Variants in RBM33 observed in about 807,000 individuals in gnomAD.
RBM33 encodes RNA binding motif protein 33, also known as RNA-binding protein 33.
A neutral mutation model predicts 132.6 loss-of-function variants in RBM33; 28 were observed. The ratio of observed to expected loss-of-function variants is 0.21; its 90% CI spans 0.16 to 0.29. The LOEUF (loss-of-function observed/expected upper bound fraction) is 0.29. RBM33 is among the 10% of genes least tolerant of loss of function. The pLI is 1.00. For missense variants in RBM33, 1,291 were observed against 1,518.5 expected (o/e 0.85, Z 2.49); for synonymous variants, 634 against 593.0 (o/e 1.07, Z -1.01).
chr7:155,647,489 C>T (rs750725207), intron 1 of RBM33, among the ~76,000 whole-genome samples: 1 of 151,840 alleles, frequency 6.6e-6, no homozygotes, highest in Non-Finnish European at 1.5e-5. Context: ...GGAGTGCAGT[C>T]GTATAATCAT....
chr7:155,721,357 A>C (rs1014816801), intron 9 of RBM33, among the ~76,000 whole-genome samples: 12 of 152,092 alleles, frequency 7.9e-5, no homozygotes, highest in African/African-American at 2.9e-4. Flanking sequence ...GAGTGACCTT[A>C]CTGCTTATTA....
At chr7:155,663,318 A>G (rs1798707652) in intron 1 of RBM33, among the ~76,000 whole-genome samples, 1 of 151,982 alleles carries the variant, frequency 6.6e-6, no homozygotes, top group Non-Finnish European at 1.5e-5. Flanking sequence ...GAGAGGCTTA[A>G]TTGGCTCATG....
rs1172816533 is a variant in RBM33, at chr7:155,711,407, A to G, written c.1153A>G (p.Ile385Val). 1 of 1,545,538 alleles carries G rather than the reference A, an allele frequency of 6.5e-7. No homozygotes were observed. The highest frequency in any genetic ancestry group is 8.7e-7 in the Non-Finnish European group (1 of 1,145,956). Residue 385 changes from isoleucine to valine, a missense_variant, in exon 8 of 18, where the codon ATA becomes GTA. Around this residue, in one of 7 missense-constraint regions of RBM33, gnomAD observed 10 missense variants for 32.3 expected, o/e 0.31. Transcript: ENST00000401878. ...CGTGACTCCACAGCAGCCCAAGAACATACACATCAACCCGCACTTCAAAGG... is the reference window on the plus strand; with the variant it reads ...CGTGACTCCACAGCAGCCCAAGAACGTACACATCAACCCGCACTTCAAAGG... ...PPVTPQQPKN[I>V]HINPHFKGTV...
At chr7:155,721,331 C>T in intron 9 of RBM33, among the ~76,000 whole-genome samples, 1 of 152,034 alleles carries the variant, frequency 6.6e-6, no homozygotes, top group East Asian at 1.9e-4. Flanking sequence ...ATAGACATAC[C>T]CAGAAACTTA....
intron 5 of RBM33, among the ~76,000 whole-genome samples, chr7:155,693,592 A>G (rs1296502687): frequency 6.6e-6 from 1 of 151,390 alleles, no homozygotes; most frequent in Non-Finnish European, 1.5e-5. Context: ...TGATGGTTTT[A>G]GTTTACTTTG....
intron 16 of RBM33, among the ~76,000 whole-genome samples, chr7:155,768,360 G>A (rs1017177140): frequency 2.0e-5 from 3 of 152,110 alleles, no homozygotes; most frequent in Non-Finnish European, 4.4e-5. Flanking sequence ...TTGTACCGTG[G>A]GTTTGTATAG....
chr7:155,698,353 C>CA (rs1362964819), intron 5 of RBM33, among the ~76,000 whole-genome samples: 5 of 133,578 alleles, frequency 3.7e-5, no homozygotes, highest in Non-Finnish European at 6.3e-5. Flanking sequence ...GGCAACAGAG[C>CA]AAGACTCCAT....
At chr7:155,766,832 T>C in intron 16 of RBM33, 177 bp downstream of exon 16, 2 of 643,586 alleles carry the variant, frequency 3.1e-6, no homozygotes, top group Non-Finnish European at 5.3e-6. Context: ...CCTCAAACGT[T>C]TATTTTGAAA....
intron 5 of RBM33, among the ~76,000 whole-genome samples, chr7:155,687,737 CT>C (rs1799520963): frequency 6.6e-6 from 1 of 152,266 alleles, no homozygotes; most frequent in African/African-American, 2.4e-5. Context: ...ATAGGGGATC[CT>C]TTCCCCATTT....
intron 3 of RBM33, among the ~76,000 whole-genome samples, chr7:155,677,074 G>A (rs944453491): frequency 7.9e-5 from 12 of 152,088 alleles, no homozygotes; most frequent in African/African-American, 2.9e-4. Context: ...TATTTACTGA[G>A]TTGGACAGCC....
chr7:155,760,646 A>G (rs1024339321), intron 14 of RBM33, among the ~76,000 whole-genome samples: 1 of 152,270 alleles, frequency 6.6e-6, no homozygotes, highest in Admixed American at 6.5e-5. Context: ...ACTGGTTCTC[A>G]TGAAAGATGA....
At chr7:155,672,976 G>A in intron 3 of RBM33, 61 bp downstream of exon 3, 1 of 1,169,048 alleles carries the variant, frequency 8.6e-7, no homozygotes, top group Non-Finnish European at 1.2e-6. Flanking sequence ...TTAACATACA[G>A]CAGTAATCAC....
At chr7:155,718,569 ATC>A (rs1800533762) in intron 9 of RBM33, 126 bp downstream of exon 9, 1 of 742,338 alleles carries the variant, frequency 1.3e-6, no homozygotes, top group Admixed American at 2.5e-5. Flanking sequence ...ATTGACAATA[ATC>A]TCTGCAATAG....
intron 9 of RBM33, among the ~76,000 whole-genome samples, chr7:155,736,009 T>C (rs1386549083): frequency 2.0e-5 from 3 of 152,232 alleles, no homozygotes; most frequent in Non-Finnish European, 4.4e-5. Flanking sequence ...CTTTCTGTTG[T>C]ACATGTTTCA....
At chr7:155,737,442 A>T in intron 9 of RBM33, 88 bp from the exon 10 acceptor site, 1 of 1,393,378 alleles carries the variant, frequency 7.2e-7, no homozygotes, top group Non-Finnish European at 9.5e-7. Flanking sequence ...TTTTGAGGAA[A>T]ACTTGGAACC....
In RBM33 at chr7:155,774,678, A is replaced by G. The variant is rs1182042945; in HGVS notation, c.3464+31A>G. The G allele has an allele frequency of 6.3e-6, 10 of 1,575,278 alleles. No individual in the cohort carries two copies. The Admixed American group carries it at 1.0e-4, about 16-fold the overall frequency. Reference sequence around the variant, plus strand: ...CAGTGTGTTCTGTGCTTGTGGTGATAAGGGGGCGGGAGCAAGGCCCTCCTT... The same window carrying G: ...CAGTGTGTTCTGTGCTTGTGGTGATGAGGGGGCGGGAGCAAGGCCCTCCTT... On this transcript the variant is annotated intron_variant, in intron 17 of 17. Coordinates refer to ENST00000401878, the MANE Select transcript of RBM33 (RefSeq NM_053043.3). The surrounding 1 kb of genome is among the most constrained non-coding windows in gnomAD (Gnocchi z 4.2).
chr7:155,673,940 G>GTTTTTTTTTTTTTTTTTTTTTTTTTTTT (rs71186053), intron 3 of RBM33, among the ~76,000 whole-genome samples: 4 of 54,212 alleles, frequency 7.4e-5, no homozygotes, highest in East Asian at 6.7e-4. Context: ...TTTAGGCTTA[G>GTTTTTTTTTTTTTTTTTTTTTTTTTTTT]TTTTTTTTTT....
At chr7:155,663,205 CTTTCT>C (rs1798702616) in intron 1 of RBM33, among the ~76,000 whole-genome samples, 1 of 101,726 alleles carries the variant, frequency 9.8e-6, no homozygotes. Context: ...TCTTTTCTTT[CTTTCT>C]TTTTTTTTTT....
chr7:155,731,853 A>G lies in RBM33; in HGVS notation c.1261-5677A>G, dbSNP rs146796065. 1.4e-3 allele frequency among the ~76,000 whole-genome samples: 214 copies of G among 152,356 alleles called. 3 individuals are homozygous for G. Among genetic ancestry groups the G allele is most frequent in the African/African-American group, 4.9e-3 (204 of 41,580 alleles). On this transcript the variant is annotated intron_variant, in intron 9 of 17. Transcript: ENST00000401878. ...ACTTAGAAGAACTACAGAATTTTCT[A>G]AGAAATGGAGTTTTTCAGTTCTAAG...
Sources: allele counts gnomAD v4.1 joint callset (sites outside exome capture counted in the v4.1 genomes callset), GRCh38; gene constraint gnomAD v4.1.1; regional missense constraint gnomAD v4.1.1; non-coding constraint Gnocchi (gnomAD v3.1); transcripts MANE v1.5; gene names NCBI Gene and HGNC (gene_info 2026-07-23, HGNC 2026-07-21).